The following WDR59 variants were observed in gnomAD, a reference collection of about 807,000 sequenced individuals.
The protein encoded by WDR59 is WD repeat domain 59.
Under a neutral mutation model 131.2 loss-of-function variants are expected in WDR59, and 100 were observed. That is an observed-to-expected ratio of 0.76 (90% CI 0.65 to 0.90). The LOEUF (loss-of-function observed/expected upper bound fraction) is 0.90. Ranked by LOEUF, WDR59 falls within the 40% of genes least tolerant of loss-of-function variation. The pLI is 0.00. For synonymous variants in WDR59, 601 were observed against 466.2 expected, an observed-to-expected ratio of 1.29 and a Z score of -3.72; for missense variants, 1,203 against 1,262.2, an observed-to-expected ratio of 0.95 and a Z score of 0.71.
intron 1 of WDR59, among the ~76,000 whole-genome samples, chr16:74,979,969 C>T (rs2034338174): frequency 6.6e-6 from 1 of 151,478 alleles, no homozygotes; most frequent in African/African-American, 2.4e-5. Context: ...CTCCCTCAGC[C>T]TCCCGAGTAG....
At chr16:74,939,295 T>A (rs962229750) in intron 7 of WDR59, among the ~76,000 whole-genome samples, 1 of 152,040 alleles carries the variant, frequency 6.6e-6, no homozygotes, top group Non-Finnish European at 1.5e-5. Flanking sequence ...GCTTTAGATA[T>A]AAAAGAAGTT....
At chr16:74,940,531 A>G (rs16950690) in intron 7 of WDR59, among the ~76,000 whole-genome samples, 2,925 of 152,302 alleles carry the variant, frequency 0.019, 91 homozygotes, top group African/African-American at 0.067. Flanking sequence ...ATAGTCATAC[A>G]TGAGTCTGGA....
intron 25 of WDR59, 128 bp downstream of exon 25, chr16:74,885,525 C>A: frequency 9.2e-7 from 1 of 1,085,716 alleles, no homozygotes; most frequent in Non-Finnish European, 1.2e-6. Context: ...GGAATAGACT[C>A]AAAATGCCTC....
At chr16:74,897,218 C>T (rs1025173072) in intron 18 of WDR59, among the ~76,000 whole-genome samples, 1 of 152,222 alleles carries the variant, frequency 6.6e-6, no homozygotes, top group African/African-American at 2.4e-5. Flanking sequence ...CAAGTGTCTA[C>T]TGAAGATCTG....
chr16:74,948,046 G>C (rs1205037016), intron 6 of WDR59, among the ~76,000 whole-genome samples: 1 of 152,072 alleles, frequency 6.6e-6, no homozygotes, highest in Non-Finnish European at 1.5e-5. Flanking sequence ...CTTCAGCCTG[G>C]GCAACAAGAG....
At chr16:74,887,659 G>A (rs747375393) in intron 23 of WDR59, 24 bp downstream of exon 23, 2 of 1,611,966 alleles carry the variant, frequency 1.2e-6, no homozygotes, top group South Asian at 1.1e-5. Flanking sequence ...AATCCAGCGT[G>A]GGCTAAGTCA....
At chr16:74,964,868 G>A (rs543921916) in intron 2 of WDR59, among the ~76,000 whole-genome samples, 1 of 152,154 alleles carries the variant, frequency 6.6e-6, no homozygotes, top group South Asian at 2.1e-4. Flanking sequence ...TTCGAGGTCA[G>A]CCTGGCCAAC....
At chr16:74,906,326 A>AAAAAAAAAAAAAAC (rs59805901) in intron 17 of WDR59, among the ~76,000 whole-genome samples, 4 of 147,190 alleles carry the variant, frequency 2.7e-5, no homozygotes, top group Non-Finnish European at 6.0e-5. Flanking sequence ...AAAAAAAAAA[A>AAAAAAAAAAAAAAC]CCCACAGTGA....
intron 2 of WDR59, among the ~76,000 whole-genome samples, chr16:74,964,327 C>T (rs1422924510): frequency 2.0e-5 from 3 of 146,862 alleles, no homozygotes; most frequent in East Asian, 4.1e-4. Flanking sequence ...TGCAGTGAGC[C>T]GAGATCGTGC....
chr16:74,904,085 C>T lies in WDR59; in HGVS notation c.1728G>A (p.Leu576=). The change falls in exon 18 of 26, where the codon TTG becomes TTA. Residue 576 remains leucine, a synonymous_variant. Coordinates refer to ENST00000262144, the MANE Select transcript of WDR59 (RefSeq NM_030581.4). ...CGATCAAGCCAGTGTGATAAGCAGA[C>T]AAGGCTGAGAGAGATCTGTAGTTGA... ...TEPTPRSLSA[L]SAYHTGLIAP... 1 of 1,613,362 alleles carries T rather than the reference C, an allele frequency of 6.2e-7. No individual in the cohort carries two copies. The highest frequency in any genetic ancestry group is 8.5e-7 in the Non-Finnish European group (1 of 1,179,806).
At chr16:74,974,223 C>G (rs939924135) in intron 1 of WDR59, among the ~76,000 whole-genome samples, 1 of 152,100 alleles carries the variant, frequency 6.6e-6, no homozygotes, top group Non-Finnish European at 1.5e-5. Flanking sequence ...TGGAAACAGT[C>G]TCACTTTCCC....
chr16:74,894,783 G>A lies in WDR59; in HGVS notation c.1867-971C>T, dbSNP rs187952916. Reference sequence around the variant, plus strand: ...CAAGTTTTTATTTGTTATGAATTTAGTCTAAGGCATGTGACTTTGTTTGCT... The same window carrying A: ...CAAGTTTTTATTTGTTATGAATTTAATCTAAGGCATGTGACTTTGTTTGCT... On this transcript the variant is annotated intron_variant, in intron 18 of 25. Coordinates refer to ENST00000262144, the MANE Select transcript of WDR59 (RefSeq NM_030581.4). 3.7e-4 allele frequency among the ~76,000 whole-genome samples: 56 copies of A among 152,318 alleles called. 1 individual carries two copies. The East Asian group carries it at 6.2e-3, about 17-fold the overall frequency.
Position 74,885,790 on chromosome 16 carries a change from A to T in WDR59, c.2552T>A (p.Leu851Gln). The T allele has an allele frequency of 1.9e-6, 3 of 1,609,790 alleles. No homozygotes were observed. Residue 851 changes from leucine (L) to glutamine (Q), a missense_variant, in exon 25 of 26, where the codon CTG (leucine) becomes CAG (glutamine). Coordinates refer to ENST00000262144, the MANE Select transcript of WDR59 (RefSeq NM_030581.4). Reference sequence around the variant, plus strand: ...AAATTGCTGGGTATTGGCGGGGTCCAGGAGCCTGGATAAAGTTAAAAAGAT... The same window carrying T: ...AAATTGCTGGGTATTGGCGGGGTCCTGGAGCCTGGATAAAGTTAAAAAGAT... Reference protein sequence around the residue: ...RDQHDKNKRLLDPANTQQFDD... With the variant: ...RDQHDKNKRLQDPANTQQFDD...
chr16:74,923,044 T>C (rs376080098), intron 9 of WDR59, among the ~76,000 whole-genome samples: 26 of 152,332 alleles, frequency 1.7e-4, no homozygotes, highest in African/African-American at 6.3e-4. Context: ...CTACCCACTC[T>C]ATTTGTAGCA....
intron 8 of WDR59, among the ~76,000 whole-genome samples, chr16:74,924,741 T>C (rs143084146): frequency 4.1e-4 from 63 of 152,262 alleles, no homozygotes; most frequent in African/African-American, 1.3e-3. Context: ...GTTTAGGAAA[T>C]TTTTTCAAAA....
intron 8 of WDR59, among the ~76,000 whole-genome samples, chr16:74,928,294 G>A (rs2031053886): frequency 6.8e-6 from 1 of 147,800 alleles, no homozygotes. Flanking sequence ...GCTCACTGTA[G>A]CCTTGACCTC....
At chr16:74,973,959 C>T (rs913623203) in intron 1 of WDR59, among the ~76,000 whole-genome samples, 1 of 152,102 alleles carries the variant, frequency 6.6e-6, no homozygotes, top group Non-Finnish European at 1.5e-5. Flanking sequence ...CACCTGAGGT[C>T]AAGAGTTCGA....
intron 4 of WDR59, among the ~76,000 whole-genome samples, chr16:74,950,925 G>A (rs567991607): frequency 6.6e-6 from 1 of 151,652 alleles, no homozygotes; most frequent in Non-Finnish European, 1.5e-5. Flanking sequence ...GGAGGCCAAG[G>A]CAGGTGGGTC....
intron 3 of WDR59, among the ~76,000 whole-genome samples, chr16:74,954,035 T>G (rs971242974): frequency 6.6e-6 from 1 of 150,464 alleles, no homozygotes; most frequent in Non-Finnish European, 1.5e-5. Context: ...AGGCCTTGAA[T>G]AGACATTTCT....
Sources: gnomAD v4.1 joint callset for allele counts (sites outside exome capture counted in the v4.1 genomes callset) on GRCh38, gnomAD v4.1.1 for gene constraint, MANE v1.5 for transcripts, NCBI Gene and HGNC (gene_info 2026-07-23, HGNC 2026-07-21) for gene names.